The following SLIT3 variants were observed in gnomAD, a reference collection of about 807,000 sequenced individuals.
SLIT3 encodes the protein slit guidance ligand 3, also known as slit homolog 3 protein.
SLIT3 carries 68 observed loss-of-function variants against 184.0 expected under a neutral mutation model. That is an observed-to-expected ratio of 0.37 (90% CI 0.30 to 0.45). The LOEUF is 0.45. Ranked by LOEUF, SLIT3 falls within the 20% of genes least tolerant of loss-of-function variation. The pLI is 1.00. For synonymous variants in SLIT3, 831 were observed against 828.6 expected (o/e 1.00, Z -0.05); for missense variants, 1,707 against 2,026.0 (o/e 0.84, Z 3.02).
intron 8 of SLIT3, among the ~76,000 whole-genome samples, chr5:168,808,743 C>G (rs1757062243): frequency 1.3e-5 from 2 of 152,192 alleles, no homozygotes; most frequent in African/African-American, 4.8e-5. Flanking sequence ...CTCCACCTCT[C>G]TTTGCAGACA....
chr5:169,255,515 T>G (rs1274966669), intron 1 of SLIT3, among the ~76,000 whole-genome samples: 1 of 152,196 alleles, frequency 6.6e-6, no homozygotes, highest in Non-Finnish European at 1.5e-5. Context: ...AGAAAATATT[T>G]TTGTATACCT....
At chr5:168,950,947 A>G (rs1263973167) in intron 4 of SLIT3, among the ~76,000 whole-genome samples, 1 of 152,230 alleles carries the variant, frequency 6.6e-6, no homozygotes, top group Non-Finnish European at 1.5e-5. Context: ...TGAGCCAGGC[A>G]CAGTGGCTCA....
chr5:169,251,570 C>T (rs940403462), intron 1 of SLIT3, 111 bp from the exon 2 acceptor site: 28 of 752,364 alleles, frequency 3.7e-5, no homozygotes, highest in Non-Finnish European at 4.4e-5. Flanking sequence ...GGCGGCAATT[C>T]TGATGATTAA....
rs35858529 is a variant in SLIT3, at chr5:169,060,390, TCAAA to T, written c.413+133085_413+133088del. 4.3e-3 allele frequency among the ~76,000 whole-genome samples: 654 copies of T among 151,162 alleles called. 1 individual carries two copies. Among genetic ancestry groups the T allele is most frequent in the African/African-American group, 0.013 (543 of 41,000 alleles). On this transcript the variant is annotated intron_variant, in intron 4 of 35. Coordinates refer to ENST00000519560, the MANE Select transcript of SLIT3 (RefSeq NM_003062.4). ...CTGGGTGACAGAGCAAGACTCCATCTCAAACAAACAAACAAACAAACAAACAAAA... is the reference window on the plus strand; with the variant it reads ...CTGGGTGACAGAGCAAGACTCCATCTCAAACAAACAAACAAACAAACAAAA...
intron 4 of SLIT3, among the ~76,000 whole-genome samples, chr5:169,058,522 T>C (rs72826584): frequency 0.017 from 2,610 of 152,294 alleles, 24 homozygotes; most frequent in Non-Finnish European, 0.025. Flanking sequence ...ATATGAGATA[T>C]AGAAAAAATT....
chr5:168,781,841 GT>G (rs1755982270), intron 12 of SLIT3, among the ~76,000 whole-genome samples: 1 of 152,092 alleles, frequency 6.6e-6, no homozygotes, highest in African/African-American at 2.4e-5. Flanking sequence ...GACTACCCAG[GT>G]TCCAATCCTG....
intron 4 of SLIT3, chr5:169,026,733 T>C (rs546856302): frequency 6.6e-6 from 1 of 152,294 alleles, no homozygotes; most frequent in Non-Finnish European, 1.5e-5. Flanking sequence ...TTTTAATTTT[T>C]ATATAATTTT....
rs148134351 is a variant in SLIT3 at position 169,031,243 on chromosome 5, C to G, written c.414-147907G>C. Among the ~76,000 whole-genome samples, 19 of 152,244 alleles carry G rather than the reference C, an allele frequency of 1.2e-4. No homozygotes were observed. The East Asian group carries it at 3.7e-3, about 29-fold the overall frequency. On this transcript the variant is annotated intron_variant, in intron 4 of 35. Coordinates refer to ENST00000519560, the MANE Select transcript of SLIT3 (RefSeq NM_003062.4). ...TGTCCTCAGAGTAGGAAAGTTACCC[C>G]TCAGCCATTTCATATTCTGTTCATT... is the stretch of plus-strand genomic sequence containing the variant.
At chr5:169,257,599 T>A (rs1766015041) in intron 1 of SLIT3, among the ~76,000 whole-genome samples, 1 of 125,032 alleles carries the variant, frequency 8.0e-6, no homozygotes, top group Non-Finnish European at 1.6e-5. Context: ...CGGGCTGGAG[T>A]GCAGTGGCAC....
intron 4 of SLIT3, among the ~76,000 whole-genome samples, chr5:168,932,948 G>A (rs908029649): frequency 6.6e-6 from 1 of 152,136 alleles, no homozygotes; most frequent in Non-Finnish European, 1.5e-5. Context: ...CCTTGTCTTC[G>A]GAAGCTTACA....
intron 4 of SLIT3, among the ~76,000 whole-genome samples, chr5:169,144,674 C>A (rs1434577234): frequency 6.6e-6 from 1 of 152,234 alleles, no homozygotes; most frequent in Non-Finnish European, 1.5e-5. Context: ...ATGTCCACCA[C>A]CCAAGGCCCT....
At chr5:168,902,887 G>A (rs1760918877) in intron 4 of SLIT3, among the ~76,000 whole-genome samples, 1 of 152,176 alleles carries the variant, frequency 6.6e-6, no homozygotes, top group South Asian at 2.1e-4. Flanking sequence ...GAGAATGGGG[G>A]TAGTGGCTGA....
chr5:168,727,309 G>A (rs1291283673), intron 20 of SLIT3, among the ~76,000 whole-genome samples: 1 of 152,072 alleles, frequency 6.6e-6, no homozygotes, highest in African/African-American at 2.4e-5. Context: ...AACACAGTGA[G>A]ACTCCGTCTC....
intron 16 of SLIT3, among the ~76,000 whole-genome samples, chr5:168,755,406 T>TTTCTTTC: frequency 4.4e-5 from 1 of 22,644 alleles, no homozygotes; most frequent in South Asian, 1.5e-3. Flanking sequence ...TCTTTCTTTC[T>TTTCTTTC]TTCTTTCTTT....
rs1765050822 is a variant in SLIT3 at position 169,232,751 on chromosome 5, CT to C, written c.341+11953del. 2.0e-5 allele frequency among the ~76,000 whole-genome samples: 3 copies of C among 152,148 alleles called. No individual in the cohort carries two copies. The South Asian group carries it at 6.2e-4, about 32-fold the overall frequency. On this transcript the variant is annotated intron_variant, in intron 3 of 35. Coordinates refer to ENST00000519560, the MANE Select transcript of SLIT3 (RefSeq NM_003062.4). Reference sequence around the variant, plus strand: ...ATCTGGGTCTTCTAGACTGTCTTTGCTTTTCTTGGTCATTTGCATTCCTATA... The same window carrying C: ...ATCTGGGTCTTCTAGACTGTCTTTGCTTTCTTGGTCATTTGCATTCCTATA...
At chr5:168,934,879 C>T (rs987225335) in intron 4 of SLIT3, among the ~76,000 whole-genome samples, 3 of 151,432 alleles carry the variant, frequency 2.0e-5, no homozygotes, top group African/African-American at 4.9e-5. Context: ...CCTGTAATTC[C>T]AGCACTTTGG....
intron 4 of SLIT3, among the ~76,000 whole-genome samples, chr5:169,126,225 G>A (rs1020521480): frequency 5.3e-5 from 8 of 152,046 alleles, no homozygotes; most frequent in Admixed American, 1.3e-4. Context: ...ATGTATTTTA[G>A]ACATCCTATT....
At chr5:169,248,755 G>A (rs1765680213) in intron 2 of SLIT3, among the ~76,000 whole-genome samples, 1 of 152,124 alleles carries the variant, frequency 6.6e-6, no homozygotes, top group Non-Finnish European at 1.5e-5. Context: ...TGTGAGCATA[G>A]CAGAGCCCTT....
chr5:169,035,866 A>G (rs952962058), intron 4 of SLIT3, among the ~76,000 whole-genome samples: 6 of 152,058 alleles, frequency 3.9e-5, no homozygotes, highest in Non-Finnish European at 8.8e-5. Flanking sequence ...TTCTACTTGA[A>G]ACAGTTAATA....
Sources: gnomAD v4.1 joint callset for allele counts (sites outside exome capture counted in the v4.1 genomes callset) on GRCh38, gnomAD v4.1.1 for gene constraint, MANE v1.5 for transcripts, NCBI Gene and HGNC (gene_info 2026-07-23, HGNC 2026-07-21) for gene names.